Variants in MBOAT2 observed in about 807,000 individuals in gnomAD.
MBOAT2 encodes the protein membrane bound glycerophospholipid O-acyltransferase 2.
MBOAT2 carries 28 observed loss-of-function variants against 63.4 expected under a neutral mutation model. That is an observed-to-expected ratio of 0.44 (90% CI 0.33 to 0.61). MBOAT2 has a LOEUF of 0.61. MBOAT2 is among the 20% of genes least tolerant of loss of function. MBOAT2 has a pLI of 0.03. For synonymous variants in MBOAT2, 211 were observed against 215.6 expected (o/e 0.98, Z 0.19); for missense variants, 470 against 605.8 (o/e 0.78, Z 2.35).
chr2:8,855,287 C>T lies in MBOAT2; in HGVS notation c.*3392G>A, dbSNP rs1421352065. The T allele has an allele frequency of 6.6e-6, 1 of 152,160 alleles. No individual in the cohort carries two copies. Among genetic ancestry groups the T allele is most frequent in the Non-Finnish European group, 1.5e-5 (1 of 68,040 alleles). The allele number at this position is 152,160 out of a possible 1,614,324, so 9.4% of individuals were successfully genotyped here. A position where few individuals can be genotyped will look rare whatever the true frequency, so the allele number is the denominator to read the frequency against. On this transcript the variant is annotated 3_prime_UTR_variant, in exon 13 of 13. Transcript: ENST00000305997. ...TGGTCCTGAACTCTTAGGATTAACC[C>T]GTTTGCTTATGGCTGAGGAACTTGG...
intron 5 of MBOAT2, among the ~76,000 whole-genome samples, chr2:8,883,997 TG>T (rs1404487108): frequency 1.4e-5 from 2 of 147,308 alleles, no homozygotes; most frequent in East Asian, 3.9e-4. Flanking sequence ...CCAAGGCGGG[TG>T]GATCACCTGA....
At chr2:8,991,297 T>C (rs1671904442) in intron 1 of MBOAT2, among the ~76,000 whole-genome samples, 1 of 152,162 alleles carries the variant, frequency 6.6e-6, no homozygotes, top group African/African-American at 2.4e-5. Flanking sequence ...TCACATACCA[T>C]AAAATAGCCT....
In MBOAT2 at chr2:8,862,821, G is replaced by GT; in HGVS notation, c.1053-100dup. On this transcript the variant is annotated intron_variant, in intron 10 of 12. Coordinates refer to ENST00000305997, the MANE Select transcript of MBOAT2 (RefSeq NM_138799.4). This position sits in a 1 kb window ranked among gnomAD's most constrained non-coding sequence, Gnocchi z 4.3. The stretch of plus-strand genomic sequence containing the variant: ...CTTTTATTACCTGACAGGATTTAGG[G>GT]TAACTAGAAAAACAAATACAACTTA... 1 of 1,403,976 alleles carries GT rather than the reference G, an allele frequency of 7.1e-7. No individual in the cohort carries two copies. The highest frequency in any genetic ancestry group is 9.5e-7 in the Non-Finnish European group (1 of 1,051,620). The allele number at this position is 1,403,976 out of a possible 1,614,324, so 87.0% of individuals were successfully genotyped here.
intron 1 of MBOAT2, among the ~76,000 whole-genome samples, chr2:8,971,702 G>A (rs1296248472): frequency 4.0e-5 from 6 of 151,824 alleles, no homozygotes; most frequent in Admixed American, 2.0e-4. Context: ...CAAAAATCAC[G>A]AGCATTCCTA....
chr2:8,983,261 G>C (rs1157965986), intron 1 of MBOAT2, among the ~76,000 whole-genome samples: 1 of 152,008 alleles, frequency 6.6e-6, no homozygotes, highest in African/African-American at 2.4e-5. Flanking sequence ...TCTAAAGTAA[G>C]GAAGAATAAA....
At chr2:8,936,825 AAAAAAAG>A (rs1440133512) in intron 3 of MBOAT2, among the ~76,000 whole-genome samples, 2 of 145,162 alleles carry the variant, frequency 1.4e-5, no homozygotes, top group Admixed American at 6.8e-5. Context: ...AAGAAAAGAA[AAAAAAAG>A]AAAGAAAGAA....
chr2:8,865,189 TTTC>T (rs1257794691), intron 9 of MBOAT2, among the ~76,000 whole-genome samples: 1 of 152,322 alleles, frequency 6.6e-6, no homozygotes, highest in East Asian at 1.9e-4. Flanking sequence ...CATTTGAAAT[TTTC>T]TTTTCTCTTT....
chr2:8,911,423 C>A, intron 3 of MBOAT2, among the ~76,000 whole-genome samples: 1 of 152,182 alleles, frequency 6.6e-6, no homozygotes, highest in Non-Finnish European at 1.5e-5. Context: ...ACATCCCTCC[C>A]TGTTGCACAT....
chr2:8,933,270 C>G (rs1454184547), intron 3 of MBOAT2, among the ~76,000 whole-genome samples: 1 of 152,038 alleles, frequency 6.6e-6, no homozygotes, highest in African/African-American at 2.4e-5. Context: ...ACTACAACTA[C>G]CTAGTTATGT....
intron 1 of MBOAT2, among the ~76,000 whole-genome samples, chr2:8,961,768 C>A (rs1289782883): frequency 2.0e-5 from 3 of 152,158 alleles, no homozygotes; most frequent in Non-Finnish European, 4.4e-5. Context: ...ACACACCCCT[C>A]AAATCTCCAC....
chr2:8,913,158 C>T (rs1665914018), intron 3 of MBOAT2, among the ~76,000 whole-genome samples: 2 of 152,116 alleles, frequency 1.3e-5, no homozygotes, highest in South Asian at 4.1e-4. Context: ...ACTGCATCCT[C>T]ATCTCTCACC....
At chr2:9,001,810 C>T (rs1038506820) in intron 1 of MBOAT2, among the ~76,000 whole-genome samples, 7 of 152,252 alleles carry the variant, frequency 4.6e-5, no homozygotes, top group Middle Eastern at 3.4e-3. Flanking sequence ...GAAAATATTT[C>T]AGCATAGCAG....
At chr2:8,972,252 A>T (rs1005547649) in intron 1 of MBOAT2, among the ~76,000 whole-genome samples, 12 of 152,224 alleles carry the variant, frequency 7.9e-5, no homozygotes, top group Admixed American at 3.3e-4. Context: ...AACCTGACAA[A>T]AACAAGAAAT....
At chr2:8,991,566 T>C (rs1429832704) in intron 1 of MBOAT2, among the ~76,000 whole-genome samples, 1 of 152,222 alleles carries the variant, frequency 6.6e-6, no homozygotes, top group Non-Finnish European at 1.5e-5. Flanking sequence ...CCAAGCATTA[T>C]GTAGTCCTCA....
At chr2:8,924,252 A>C (rs1376872625) in intron 3 of MBOAT2, among the ~76,000 whole-genome samples, 1 of 152,126 alleles carries the variant, frequency 6.6e-6, no homozygotes, top group Non-Finnish European at 1.5e-5. Context: ...CAAATTCACC[A>C]TTCCTCTAGG....
chr2:8,967,940 G>A (rs761944362), intron 1 of MBOAT2, among the ~76,000 whole-genome samples: 2 of 152,050 alleles, frequency 1.3e-5, no homozygotes, highest in South Asian at 2.1e-4. Context: ...CAAGATGGCC[G>A]AATAGGAACA....
intron 1 of MBOAT2, among the ~76,000 whole-genome samples, chr2:8,986,727 G>A (rs1558686703): frequency 1.3e-5 from 2 of 152,276 alleles, no homozygotes; most frequent in East Asian, 3.9e-4. Flanking sequence ...TGGATTCCAT[G>A]AGGTTGTGAA....
intron 2 of MBOAT2, among the ~76,000 whole-genome samples, chr2:8,944,356 T>A (rs557017906): frequency 3.1e-4 from 47 of 152,342 alleles, no homozygotes; most frequent in Admixed American, 1.6e-3. Flanking sequence ...TTTGGGGGAA[T>A]GAACAATTTA....
At chr2:8,933,279 G>A (rs746901449) in intron 3 of MBOAT2, among the ~76,000 whole-genome samples, 11 of 152,164 alleles carry the variant, frequency 7.2e-5, no homozygotes, top group Non-Finnish European at 1.2e-4. Flanking sequence ...ACCTAGTTAT[G>A]TTTCAGTAAT....
Sources: allele counts gnomAD v4.1 joint callset (sites outside exome capture counted in the v4.1 genomes callset), GRCh38; gene constraint gnomAD v4.1.1; non-coding constraint Gnocchi (gnomAD v3.1); transcripts MANE v1.5; gene names NCBI Gene and HGNC (gene_info 2026-07-23, HGNC 2026-07-21).